The following NEDD4L variants were observed in gnomAD, a reference collection of about 807,000 sequenced individuals.
The protein encoded by NEDD4L is E3 ubiquitin-protein ligase NEDD4-like.
A neutral mutation model predicts 148.9 loss-of-function variants in NEDD4L; 54 were observed. The observed-to-expected ratio is 0.36, with a 90% CI of 0.29 to 0.45. The LOEUF (loss-of-function observed/expected upper bound fraction) is 0.45, where lower values mean the gene tolerates loss of function less well. NEDD4L is among the 20% of genes least tolerant of loss of function. NEDD4L has a pLI of 1.00. For synonymous variants in NEDD4L, 433 were observed against 440.7 expected (o/e 0.98, Z 0.22); for missense variants, 856 against 1,233.8 (o/e 0.69, Z 4.59).
intron 1 of NEDD4L, among the ~76,000 whole-genome samples, chr18:58,123,215 C>T (rs536325507): frequency 6.6e-6 from 1 of 152,196 alleles, no homozygotes; most frequent in African/African-American, 2.4e-5. Flanking sequence ...GAGTATCCAC[C>T]CAGCAACCTG....
chr18:58,269,495 C>T (rs913256407), intron 5 of NEDD4L, among the ~76,000 whole-genome samples: 3 of 152,014 alleles, frequency 2.0e-5, no homozygotes, highest in African/African-American at 7.2e-5. Flanking sequence ...TGTCAGTGAA[C>T]AGGTTTAACT....
At chr18:58,304,053 G>A (rs750876939) in intron 5 of NEDD4L, among the ~76,000 whole-genome samples, 4 of 151,976 alleles carry the variant, frequency 2.6e-5, no homozygotes, top group African/African-American at 4.8e-5. Context: ...TCCCAGGGAC[G>A]TTTGACAGTT....
chr18:58,372,830 CAAAAAAAAA>C (rs11318354), intron 23 of NEDD4L, among the ~76,000 whole-genome samples: 1 of 132,788 alleles, frequency 7.5e-6, no homozygotes, highest in African/African-American at 2.8e-5. Flanking sequence ...ATCTCAAAAA[CAAAAAAAAA>C]AAAAAAAAGA....
At position 58,362,936 on chromosome 18, in the gene NEDD4L, G is replaced by A. The variant is rs138933664; in HGVS notation, c.1768-1332G>A. Among the ~76,000 whole-genome samples the A allele has an allele frequency of 5.7e-3, 862 of 152,260 alleles. 11 individuals are homozygous for A. The highest frequency in any genetic ancestry group is 0.02 in the African/African-American group (812 of 41,542). On this transcript the variant is annotated intron_variant, in intron 19 of 30. Coordinates refer to ENST00000400345, the MANE Select transcript of NEDD4L (RefSeq NM_001144967.3). ...TTATACCTTGCCTAGACTCAGAATT[G>A]CTATGTGGTTTCATCAGACTAAACA...
chr18:58,379,803 G>A (rs908584768), intron 24 of NEDD4L, among the ~76,000 whole-genome samples: 3 of 152,078 alleles, frequency 2.0e-5, no homozygotes, highest in Admixed American at 6.5e-5. Flanking sequence ...CACCTGTAAC[G>A]AATCCTAGAG....
chr18:58,148,050 T>A (rs2034289064), intron 1 of NEDD4L, among the ~76,000 whole-genome samples: 1 of 150,112 alleles, frequency 6.7e-6, no homozygotes, highest in African/African-American at 2.4e-5. Context: ...CTCCCCCCCT[T>A]TTTTTTTTGG....
At chr18:58,167,599 C>G (rs1431889347) in intron 2 of NEDD4L, among the ~76,000 whole-genome samples, 1 of 152,150 alleles carries the variant, frequency 6.6e-6, no homozygotes, top group Non-Finnish European at 1.5e-5. Flanking sequence ...AGATGCATTA[C>G]CTGGTGGTTT....
chr18:58,350,777 G>A (rs2043778535), intron 17 of NEDD4L, among the ~76,000 whole-genome samples: 1 of 152,214 alleles, frequency 6.6e-6, no homozygotes, highest in African/African-American at 2.4e-5. Flanking sequence ...CATACAGTCA[G>A]CGCATCTGAG....
At chr18:58,172,343 C>T (rs901343725) in intron 2 of NEDD4L, among the ~76,000 whole-genome samples, 1 of 152,170 alleles carries the variant, frequency 6.6e-6, no homozygotes, top group Non-Finnish European at 1.5e-5. Flanking sequence ...GGGGCAGGGA[C>T]AAGTCCTTGG....
chr18:58,107,631 A>G (rs960203802), intron 1 of NEDD4L, among the ~76,000 whole-genome samples: 1 of 151,822 alleles, frequency 6.6e-6, no homozygotes, highest in Admixed American at 6.6e-5. Context: ...AGGTGGGAGG[A>G]TCACTGGAGC....
chr18:58,107,752 A>G (rs919872581), intron 1 of NEDD4L, among the ~76,000 whole-genome samples: 58 of 151,574 alleles, frequency 3.8e-4, no homozygotes, highest in Non-Finnish European at 2.8e-4. Context: ...CAACAGAGTC[A>G]GTCGTGGACA....
rs1201482560 is a variant in NEDD4L, at chr18:58,391,200, C to T, written c.2753-287C>T. ...AAAACTAGTTTGAAGTTTAAATTTC[C>T]AGGGCCCAGCTGAGAGGCTGTAGCT... is the stretch of plus-strand genomic sequence containing the variant. On this transcript the variant is annotated intron_variant, in intron 29 of 30. Coordinates refer to ENST00000400345, the MANE Select transcript of NEDD4L (RefSeq NM_001144967.3). 2.6e-5 allele frequency among the ~76,000 whole-genome samples: 4 copies of T among 152,110 alleles called. No individual in the cohort carries two copies. The East Asian group carries it at 7.7e-4, about 29-fold the overall frequency.
At chr18:58,102,330 A>G (rs757869689) in intron 1 of NEDD4L, among the ~76,000 whole-genome samples, 6 of 152,170 alleles carry the variant, frequency 3.9e-5, no homozygotes, top group African/African-American at 7.2e-5. Context: ...TTTAACTACT[A>G]TAACGGCTCA....
intron 19 of NEDD4L, among the ~76,000 whole-genome samples, chr18:58,362,013 A>G (rs1009630743): frequency 6.6e-6 from 1 of 152,224 alleles, no homozygotes; most frequent in East Asian, 1.9e-4. Context: ...TATCATGAGA[A>G]CTACCTCTGG....
At chr18:58,142,217 T>A (rs974798752) in intron 1 of NEDD4L, among the ~76,000 whole-genome samples, 33 of 128,958 alleles carry the variant, frequency 2.6e-4, no homozygotes, top group South Asian at 1.9e-3. Flanking sequence ...CGGCTAATTT[T>A]TTTTTTATTT....
intron 28 of NEDD4L, chr18:58,390,441 G>C (rs537706551): frequency 1.3e-5 from 6 of 479,302 alleles, no homozygotes; most frequent in African/African-American, 1.1e-4. Context: ...GAAGAAGAAA[G>C]AGACGGACAT....
At chr18:58,342,043 G>A (rs1019352663) in intron 15 of NEDD4L, among the ~76,000 whole-genome samples, 4 of 152,214 alleles carry the variant, frequency 2.6e-5, no homozygotes, top group African/African-American at 9.6e-5. Flanking sequence ...TGTGCTGGAC[G>A]TGGGCACTCT....
chr18:58,134,508 G>T (rs2032588840), intron 1 of NEDD4L, among the ~76,000 whole-genome samples: 1 of 23,610 alleles, frequency 4.2e-5, no homozygotes, highest in Non-Finnish European at 7.4e-5. Flanking sequence ...AAGTAGCTGG[G>T]ACTACAGGCG....
At chr18:58,067,947 A>G (rs2144828026) in intron 1 of NEDD4L, among the ~76,000 whole-genome samples, 1 of 152,152 alleles carries the variant, frequency 6.6e-6, no homozygotes, top group East Asian at 1.9e-4. Flanking sequence ...ACTGTTTGGG[A>G]GAAGGGGTAC....
Sources: allele counts gnomAD v4.1 joint callset (sites outside exome capture counted in the v4.1 genomes callset), GRCh38; gene constraint gnomAD v4.1.1; transcripts MANE v1.5; gene names NCBI Gene and HGNC (gene_info 2026-07-23, HGNC 2026-07-21).